The following KCTD20 variants were observed in gnomAD, a reference collection of about 807,000 sequenced individuals.
KCTD20 encodes BTB/POZ domain-containing protein KCTD20.
In KCTD20, 30 loss-of-function variants were observed where a neutral mutation model predicts 39.6. That is an observed-to-expected ratio of 0.76 (90% confidence interval 0.57 to 1.03). The LOEUF (loss-of-function observed/expected upper bound fraction) is 1.03, where lower values mean the gene tolerates loss of function less well. Ranked by LOEUF, KCTD20 falls within the 50% of genes least tolerant of loss-of-function variation. KCTD20 has a pLI of 0.00. For synonymous variants in KCTD20, 162 were observed against 180.6 expected, an observed-to-expected ratio of 0.90 and a Z score of 0.83; for missense variants, 422 against 522.0, an observed-to-expected ratio of 0.81 and a Z score of 1.87.
intron 3 of KCTD20, among the ~76,000 whole-genome samples, chr6:36,476,867 T>C (rs1776079763): frequency 6.6e-6 from 1 of 152,210 alleles, no homozygotes; most frequent in Non-Finnish European, 1.5e-5. Context: ...GTTCTCAGTT[T>C]GGGTATTACC....
At chr6:36,465,251 G>A (rs933182389) in intron 1 of KCTD20, among the ~76,000 whole-genome samples, 6 of 146,890 alleles carry the variant, frequency 4.1e-5, no homozygotes, top group Admixed American at 2.8e-4. Context: ...AGCTGGGATC[G>A]TACCACTGCA....
chr6:36,479,675 AATT>A lies in KCTD20; in HGVS notation c.623_625del (p.Asn208_Phe209delinsIle), dbSNP rs753416931. The stretch of plus-strand genomic sequence containing the variant: ...AGATACTTGTGATTATCTCTGCATT[AATT>A]TTGACTTCAACACTATCCGATGTCA... On this transcript the variant is annotated inframe_deletion, in exon 5 of 8. Coordinates refer to ENST00000373731, the MANE Select transcript of KCTD20 (RefSeq NM_173562.5). The A allele has an allele frequency of 6.2e-7, 1 of 1,610,032 alleles. No individual in the cohort carries two copies. Among genetic ancestry groups the A allele is most frequent in the Admixed American group, 1.7e-5 (1 of 59,930 alleles).
chr6:36,453,214 G>T lies in KCTD20; in HGVS notation c.-47+10103G>T, dbSNP rs146589542. ...ATTAGTAGAGACAGGGTCTCACCATGTTGGCCAGGCTGGTCTTGAACTCCT... is the reference window on the plus strand; with the variant it reads ...ATTAGTAGAGACAGGGTCTCACCATTTTGGCCAGGCTGGTCTTGAACTCCT... On this transcript the variant is annotated intron_variant, in intron 1 of 7. Transcript: ENST00000373731. 5.8e-3 allele frequency among the ~76,000 whole-genome samples: 876 copies of T among 151,720 alleles called. 8 individuals carry two copies. Among genetic ancestry groups the T allele is most frequent in the African/African-American group, 0.02 (831 of 41,408 alleles).
intron 7 of KCTD20, among the ~76,000 whole-genome samples, chr6:36,486,432 A>G (rs186911721): frequency 4.6e-5 from 7 of 152,278 alleles, no homozygotes; most frequent in Non-Finnish European, 8.8e-5. Flanking sequence ...AGCCTTTCAC[A>G]TATTTTAGGC....
intron 1 of KCTD20, among the ~76,000 whole-genome samples, chr6:36,467,223 G>A (rs1027913654): frequency 6.0e-5 from 9 of 149,136 alleles, no homozygotes; most frequent in South Asian, 4.3e-4. Context: ...CAGGAGAGTC[G>A]CTTGAACCCA....
chr6:36,446,434 T>G (rs1775050276), intron 1 of KCTD20, among the ~76,000 whole-genome samples: 1 of 152,218 alleles, frequency 6.6e-6, no homozygotes, highest in African/African-American at 2.4e-5. Context: ...CTTTGGAAGT[T>G]GTCATCAAGA....
rs1776485037 is a variant in KCTD20 at position 36,488,271 on chromosome 6, G to A, written c.*1096G>A. 1 of 152,072 alleles carries A rather than the reference G, an allele frequency of 6.6e-6. No homozygotes were observed. Among genetic ancestry groups the A allele is most frequent in the Non-Finnish European group, 1.5e-5 (1 of 68,032 alleles). 9.4% of individuals were successfully genotyped at this position (152,072 alleles called of 1,614,324 possible). Reference sequence around the variant, plus strand: ...TAGCCTAATAGCTGCTCACACATTGGGTAGGAATATTATACCAATGTCATC... The same window carrying A: ...TAGCCTAATAGCTGCTCACACATTGAGTAGGAATATTATACCAATGTCATC... On this transcript the variant is annotated 3_prime_UTR_variant, in exon 8 of 8. Coordinates refer to ENST00000373731, the MANE Select transcript of KCTD20 (RefSeq NM_173562.5).
In KCTD20 at chr6:36,486,957, C is replaced by A; in HGVS notation, c.1042C>A (p.Arg348Ser). 1 of 1,614,166 alleles carries A rather than the reference C, an allele frequency of 6.2e-7. No homozygotes were observed. Among genetic ancestry groups the A allele is most frequent in the Non-Finnish European group, 8.5e-7 (1 of 1,180,000 alleles). The change falls in exon 8 of 8, where the codon CGC (arginine) becomes AGC (serine). Residue 348 changes from arginine to serine, a missense_variant. By Grantham distance (110) the Arg-to-Ser change is moderately radical. Coordinates refer to ENST00000373731, the MANE Select transcript of KCTD20 (RefSeq NM_173562.5). ...RSEVIYNYVQ[R>S]PFIQMSWEKE... is the part of the protein sequence containing the mutation. ...TGAAGTCATCTATAATTATGTACAA[C>A]GCCCCTTCATCCAGATGTCATGGGA...
chr6:36,481,281 CTT>C (rs1314738023), intron 5 of KCTD20, among the ~76,000 whole-genome samples: 4 of 141,142 alleles, frequency 2.8e-5, no homozygotes, highest in South Asian at 2.2e-4. Context: ...GATTTCATCT[CTT>C]ATAGGATTAA....
chr6:36,481,507 C>T, intron 5 of KCTD20, 55 bp from the exon 6 acceptor site: 1 of 1,308,474 alleles, frequency 7.6e-7, no homozygotes, highest in Non-Finnish European at 1.1e-6. Context: ...TTTTTCACTC[C>T]AGTAATATGT....
In KCTD20 at chr6:36,464,054, A is replaced by G. The variant is rs746097044; in HGVS notation, c.-46-5998A>G. Among the ~76,000 whole-genome samples, 7 of 152,226 alleles carry G rather than the reference A, an allele frequency of 4.6e-5. No individual in the cohort carries two copies. The South Asian group carries it at 1.2e-3, about 27-fold the overall frequency. On this transcript the variant is annotated intron_variant, in intron 1 of 7. Transcript: ENST00000373731. The stretch of plus-strand genomic sequence containing the variant: ...AACAAAAGAACCTACCTTACAGAAC[A>G]TATAGAGAAAAAATACACAGTAACT...
At chr6:36,452,049 G>T (rs998687373) in intron 1 of KCTD20, among the ~76,000 whole-genome samples, 1 of 152,184 alleles carries the variant, frequency 6.6e-6, no homozygotes, top group African/African-American at 2.4e-5. Context: ...GACTTCAAGT[G>T]ATCTGCCCAC....
intron 1 of KCTD20, among the ~76,000 whole-genome samples, chr6:36,445,063 AC>A (rs1345093960): frequency 6.6e-6 from 1 of 152,142 alleles, no homozygotes; most frequent in African/African-American, 2.4e-5. Flanking sequence ...GGAGTTTCAG[AC>A]CAGCCTGGCC....
intron 6 of KCTD20, among the ~76,000 whole-genome samples, chr6:36,483,339 A>T (rs1435265171): frequency 3.5e-5 from 5 of 140,874 alleles, no homozygotes; most frequent in Non-Finnish European, 7.5e-5. Context: ...CAACCTCCCA[A>T]GAAGCTGGGA....
At chr6:36,458,329 G>A (rs960173969) in intron 1 of KCTD20, among the ~76,000 whole-genome samples, 5 of 151,620 alleles carry the variant, frequency 3.3e-5, no homozygotes, top group South Asian at 2.1e-4. Flanking sequence ...ACCTGAGGTC[G>A]AGAGTTTGAG....
chr6:36,483,042 C>G (rs1467661590), intron 6 of KCTD20, among the ~76,000 whole-genome samples: 1 of 150,862 alleles, frequency 6.6e-6, no homozygotes, highest in Non-Finnish European at 1.5e-5. Flanking sequence ...TCATTTGAAC[C>G]CAGGAGGCAG....
chr6:36,478,686 A>G (rs762728732), intron 3 of KCTD20, among the ~76,000 whole-genome samples: 10 of 152,192 alleles, frequency 6.6e-5, no homozygotes, highest in Non-Finnish European at 1.3e-4. Context: ...CAGTATTGAC[A>G]GATGAGGGGA....
At chr6:36,477,485 T>TC (rs1444200731) in intron 3 of KCTD20, among the ~76,000 whole-genome samples, 4 of 148,860 alleles carry the variant, frequency 2.7e-5, no homozygotes, top group Non-Finnish European at 6.0e-5. Flanking sequence ...TCTTTTCTTT[T>TC]TTTTTTTTTT....
At chr6:36,443,335 T>G (rs1582284465) in intron 1 of KCTD20, 1 of 152,126 alleles carries the variant, frequency 6.6e-6, no homozygotes, top group South Asian at 2.1e-4. Flanking sequence ...CAGAGTCTGG[T>G]GATCCTGGGG....
Sources: allele counts gnomAD v4.1 joint callset (sites outside exome capture counted in the v4.1 genomes callset), GRCh38; gene constraint gnomAD v4.1.1; transcripts MANE v1.5; gene names NCBI Gene and HGNC (gene_info 2026-07-23, HGNC 2026-07-21).